The following HOXC6 variants were observed in gnomAD, a reference collection of about 807,000 sequenced individuals.
HOXC6 encodes homeobox protein Hox-C6.
Under a neutral mutation model 24.0 loss-of-function variants are expected in HOXC6, and 10 were observed. That is an observed-to-expected ratio of 0.42 (90% CI 0.26 to 0.71). HOXC6 has a LOEUF of 0.71. Among genes scored for constraint, HOXC6 ranks in the 30% least tolerant of loss-of-function variants. The pLI, the probability that HOXC6 is intolerant of heterozygous loss-of-function variation, is 0.28. For synonymous variants in HOXC6, 123 were observed against 128.1 expected, an observed-to-expected ratio of 0.96 and a Z score of 0.27; for missense variants, 258 against 303.4, an observed-to-expected ratio of 0.85 and a Z score of 1.11.
chr12:54,029,989 T>A lies in HOXC6; in HGVS notation c.*27T>A. 1 of 1,488,122 alleles carries A rather than the reference T, an allele frequency of 6.7e-7. No individual in the cohort carries two copies. The highest frequency in any genetic ancestry group is 9.0e-7 in the Non-Finnish European group (1 of 1,115,200). 92.2% of individuals were successfully genotyped at this position (1,488,122 alleles called of 1,614,324 possible). ...CAGGACTGTCCCTGCCACCCCTCTCTCCCTTTCTCCCTCGCTCCCCACCAA... is the reference window on the plus strand; with the variant it reads ...CAGGACTGTCCCTGCCACCCCTCTCACCCTTTCTCCCTCGCTCCCCACCAA... On this transcript the variant is annotated 3_prime_UTR_variant, in exon 2 of 2. Transcript: ENST00000243108.
At chr12:54,018,303 G>T (rs940056124) in intron 1 of HOXC6, among the ~76,000 whole-genome samples, 1 of 151,956 alleles carries the variant, frequency 6.6e-6, no homozygotes, top group Non-Finnish European at 1.5e-5. Context: ...CGGGATGCCC[G>T]CTCGCCACGC....
At position 54,029,941 on chromosome 12, in the gene HOXC6, AGAG is replaced by A. The variant is rs1565742570; in HGVS notation, c.691_693del (p.Glu231del). On this transcript the variant is annotated inframe_deletion, in exon 2 of 2. Transcript: ENST00000243108. ...AAGAGGAAAAGCGGGAAGAGACAGA[AGAG>A]GAGAAGCAGAAAGAGTGACCAGGAC... The A allele has an allele frequency of 2.5e-6, 4 of 1,590,682 alleles. No individual in the cohort carries two copies. The highest frequency in any genetic ancestry group is 3.5e-5 in the Admixed American group (2 of 56,360).
chr12:54,020,970 G>C (rs1302489025), intron 1 of HOXC6: 1 of 152,248 alleles, frequency 6.6e-6, no homozygotes, highest in Non-Finnish European at 1.5e-5. Flanking sequence ...AGTTCTGCGG[G>C]ATTCTTTTCA....
At chr12:54,019,456 A>G (rs1005921619) in intron 1 of HOXC6, among the ~76,000 whole-genome samples, 3 of 152,284 alleles carry the variant, frequency 2.0e-5, no homozygotes, top group South Asian at 4.1e-4. Flanking sequence ...GAGAGGCCCG[A>G]AAAAGGGAGC....
intron 1 of HOXC6, chr12:54,020,834 G>A (rs1778960792): frequency 6.6e-6 from 1 of 152,188 alleles, no homozygotes; most frequent in African/African-American, 2.4e-5. Context: ...AGACCTTATT[G>A]CTTTTGTTGC....
At chr12:54,022,983 C>T (rs1236693769) in intron 1 of HOXC6, among the ~76,000 whole-genome samples, 1 of 152,140 alleles carries the variant, frequency 6.6e-6, no homozygotes, top group East Asian at 1.9e-4. Flanking sequence ...ATTCTGGGGG[C>T]TGAAAATATT....
At chr12:54,029,257 T>C (rs1940874513) in intron 1 of HOXC6, among the ~76,000 whole-genome samples, 1 of 151,964 alleles carries the variant, frequency 6.6e-6, no homozygotes, top group Non-Finnish European at 1.5e-5. Flanking sequence ...GAGAGGCAGA[T>C]AAGTGGGGAG....
chr12:54,029,694 T>A lies in HOXC6; in HGVS notation c.440T>A (p.Ile147Asn), dbSNP rs755466327. 6.2e-7 allele frequency: 1 copy of A among 1,614,044 alleles called. No homozygotes were observed. ...GCGGACCGGAGGCGCGGCCGCCAGA[T>A]CTACTCGCGGTACCAGACCCTGGAA... ...YGADRRRGRQ[I>N]YSRYQTLELE... The change falls in exon 2 of 2, where the codon ATC (isoleucine) becomes AAC (asparagine). Residue 147 changes from isoleucine (I) to asparagine (N), a missense_variant. Physicochemically the swap from Ile to Asn is moderately radical, Grantham distance 149. Coordinates refer to ENST00000243108, the MANE Select transcript of HOXC6 (RefSeq NM_004503.4).
At chr12:54,029,289 G>T (rs1940876443) in intron 1 of HOXC6, among the ~76,000 whole-genome samples, 1 of 152,196 alleles carries the variant, frequency 6.6e-6, no homozygotes, top group Admixed American at 6.5e-5. Flanking sequence ...GAACTAGGAT[G>T]CTTGGGGAGA....
chr12:54,021,571 G>A (rs1229801373), intron 1 of HOXC6: 2 of 152,228 alleles, frequency 1.3e-5, no homozygotes, highest in East Asian at 1.9e-4. Context: ...GGGGTTTTCC[G>A]CTACTCTCTC....
At chr12:54,027,103 C>T (rs1222784165), upstream of HOXC6, among the ~76,000 whole-genome samples, 1 of 152,268 alleles carries the variant, frequency 6.6e-6, no homozygotes, top group Non-Finnish European at 1.5e-5. Context: ...CATCTGCACA[C>T]TTTCCGCTGT....
chr12:54,026,712 C>T (rs988094973), upstream of HOXC6, among the ~76,000 whole-genome samples: 20 of 152,318 alleles, frequency 1.3e-4, no homozygotes, highest in African/African-American at 4.8e-4. Flanking sequence ...ATGTTGTCTC[C>T]ACCAGCTCCT....
chr12:54,026,450 TAACTC>T (rs1479436949), upstream of HOXC6, among the ~76,000 whole-genome samples: 4 of 152,248 alleles, frequency 2.6e-5, no homozygotes, highest in Admixed American at 6.5e-5. Flanking sequence ...AAAAATGAGA[TAACTC>T]ATCTAAAATT....
At position 54,028,821 on chromosome 12, in the gene HOXC6, C is replaced by A. The variant is rs1161164447; in HGVS notation, c.300C>A (p.Ile100=). 6.2e-7 allele frequency: 1 copy of A among 1,614,056 alleles called. No individual in the cohort carries two copies. The highest frequency in any genetic ancestry group is 8.5e-7 in the Non-Finnish European group (1 of 1,180,032). ...NTLGHNTQTS[I]AQDFSSEQGR... ...TAGGACATAACACACAGACCTCAATCGCTCAGGATTTTAGTTCTGAGCAGG... is the reference window on the plus strand; with the variant it reads ...TAGGACATAACACACAGACCTCAATAGCTCAGGATTTTAGTTCTGAGCAGG... Residue 100 remains isoleucine (I), a synonymous_variant, in exon 1 of 2, where the codon ATC becomes ATA. Transcript: ENST00000243108.
In HOXC6 at chr12:54,028,851, G is replaced by T; in HGVS notation, c.330G>T (p.Arg110Ser). Reference protein sequence around the residue: ...IAQDFSSEQGRTAPQDQKASI... With the variant: ...IAQDFSSEQGSTAPQDQKASI... ...AGGATTTTAGTTCTGAGCAGGGCAG[G>T]ACTGCGCCCCAGGACCAGAAAGCCA... The change falls in exon 1 of 2, where the codon AGG (arginine) becomes AGT (serine). Residue 110 changes from arginine (R) to serine (S), a missense_variant. By Grantham distance (110) the Arg-to-Ser change is moderately radical. Coordinates refer to ENST00000243108, the MANE Select transcript of HOXC6 (RefSeq NM_004503.4). The T allele has an allele frequency of 6.2e-7, 1 of 1,614,112 alleles. No homozygotes were observed. Among genetic ancestry groups the T allele is most frequent in the Non-Finnish European group, 8.5e-7 (1 of 1,180,028 alleles).
chr12:54,028,909 A>T lies in HOXC6; in HGVS notation c.388A>T (p.Asn130Tyr). 6.2e-7 allele frequency: 1 copy of T among 1,610,046 alleles called. No individual in the cohort carries two copies. Among genetic ancestry groups the T allele is most frequent in the Non-Finnish European group, 8.5e-7 (1 of 1,179,590 alleles). Reference protein sequence around the residue: ...IQIYPWMQRMNSHSGVGYGAD... With the variant: ...IQIYPWMQRMYSHSGVGYGAD... ...GATTTACCCCTGGATGCAGCGAATG[A>T]ATTCGCACAGTGGTGAGTTTTACAG... is the stretch of plus-strand genomic sequence containing the variant. The change falls in exon 1 of 2, where the codon AAT becomes TAT. Residue 130 changes from asparagine to tyrosine, a missense_variant. Physicochemically the swap from Asn to Tyr is moderately radical, Grantham distance 143. Transcript: ENST00000243108.
intron 1 of HOXC6, chr12:54,021,732 A>C (rs1210333276): frequency 6.6e-6 from 1 of 152,320 alleles, no homozygotes; most frequent in African/African-American, 2.4e-5. Context: ...ACATTACTCC[A>C]GGATTGTGCC....
At chr12:54,023,776 A>G (rs1244649830), upstream of HOXC6, among the ~76,000 whole-genome samples, 1 of 152,040 alleles carries the variant, frequency 6.6e-6, no homozygotes, top group Non-Finnish European at 1.5e-5. Flanking sequence ...ACCTTTTTGG[A>G]ATGCGGTGTG....
rs750024894 is a variant in HOXC6 at position 54,029,896 on chromosome 12, C to T, written c.642C>T (p.Thr214=). The T allele has an allele frequency of 1.9e-6, 3 of 1,601,476 alleles. No homozygotes were observed. In the African/African-American group the frequency reaches 4.2e-5, roughly 22 times the overall value. ...TCTCGGGGGGCGGCGGAGGGGCCAC[C>T]GCCGACAGCCTGGGCGGAAAAGAGG... ...STLSGGGGGA[T]ADSLGGKEEK... The change falls in exon 2 of 2, where the codon ACC becomes ACT. Residue 214 remains threonine (T), a synonymous_variant. Coordinates refer to ENST00000243108, the MANE Select transcript of HOXC6 (RefSeq NM_004503.4).
Sources: gnomAD v4.1 joint callset for allele counts (sites outside exome capture counted in the v4.1 genomes callset) on GRCh38, gnomAD v4.1.1 for gene constraint, MANE v1.5 for transcripts, NCBI Gene and HGNC (gene_info 2026-07-23, HGNC 2026-07-21) for gene names.